Variants in RTTN observed in about 807,000 individuals in gnomAD.
RTTN encodes the protein rotatin.
In RTTN, 182 loss-of-function variants were observed where a neutral mutation model predicts 269.2. That is an observed-to-expected ratio of 0.68 (90% confidence interval 0.60 to 0.76). The LOEUF (loss-of-function observed/expected upper bound fraction) is 0.76. Ranked by LOEUF, RTTN falls within the 30% of genes least tolerant of loss-of-function variation. The pLI is 0.00. For synonymous variants in RTTN, 1,006 were observed against 963.5 expected, an observed-to-expected ratio of 1.04 and a Z score of -0.82; for missense variants, 2,545 against 2,608.6, an observed-to-expected ratio of 0.98 and a Z score of 0.53.
At chr18:70,163,069 TAAAA>T (rs10559303) in intron 14 of RTTN, among the ~76,000 whole-genome samples, 961 of 56,948 alleles carry the variant, frequency 0.017, 9 homozygotes, top group African/African-American at 0.065. Context: ...TTACTATTAT[TAAAA>T]AAAAAAAAAA....
intron 25 of RTTN, among the ~76,000 whole-genome samples, chr18:70,127,053 C>T (rs985839542): frequency 3.9e-5 from 6 of 152,054 alleles, no homozygotes; most frequent in East Asian, 1.9e-4. Context: ...TATAAAGGAC[C>T]GCCACATGGC....
At chr18:70,051,327 G>C in intron 39 of RTTN, 84 bp downstream of exon 39, 1 of 1,425,862 alleles carries the variant, frequency 7.0e-7, no homozygotes, top group Admixed American at 2.5e-5. Flanking sequence ...CTTAACTTTA[G>C]TGAATTTACA....
intron 13 of RTTN, chr18:70,166,615 T>C (rs2060994056): frequency 4.5e-6 from 1 of 223,390 alleles, no homozygotes; most frequent in African/African-American, 2.3e-5. Context: ...ATTAAAACTT[T>C]AAAGATAAAT....
At chr18:70,183,609 C>T (rs57587495) in intron 10 of RTTN, among the ~76,000 whole-genome samples, 13,242 of 152,112 alleles carry the variant, frequency 0.087, 1,267 homozygotes, top group African/African-American at 0.23. Flanking sequence ...TCAAGGTTTT[C>T]TGACATCTTG....
rs1369292 is a variant in RTTN, at chr18:70,073,881, G to A, written c.4653+25C>T. On this transcript the variant is annotated intron_variant, in intron 34 of 48. Coordinates refer to ENST00000640769, the MANE Select transcript of RTTN (RefSeq NM_173630.4). ...AATTTTTTCAGAGATTCAAAATAAA[G>A]GACTTATGCATTCTTTGCAAGTACC... The A allele has an allele frequency of 0.89, 1,369,847 of 1,545,278 alleles. 620,924 individuals are homozygous for A. The highest frequency in any genetic ancestry group is 1 in the East Asian group (44,418 of 44,474).
At chr18:70,124,389 C>G (rs2059812117) in intron 25 of RTTN, among the ~76,000 whole-genome samples, 1 of 151,906 alleles carries the variant, frequency 6.6e-6, no homozygotes, top group Non-Finnish European at 1.5e-5. Flanking sequence ...CATGAGAAAA[C>G]AAATATTTAA....
intron 30 of RTTN, among the ~76,000 whole-genome samples, chr18:70,088,899 G>T (rs966989743): frequency 5.9e-5 from 9 of 152,050 alleles, no homozygotes; most frequent in Admixed American, 4.6e-4. Context: ...AAACTGGAAA[G>T]AAATAATACA....
At chr18:70,075,141 C>T in intron 33 of RTTN, 1 of 383,304 alleles carries the variant, frequency 2.6e-6, no homozygotes. Flanking sequence ...AAAATGTACA[C>T]AAGATATGAA....
rs759985054 is a variant in RTTN at position 70,205,609 on chromosome 18, G to C, written c.31+19C>G. On this transcript the variant is annotated intron_variant, in intron 1 of 48. Coordinates refer to ENST00000640769, the MANE Select transcript of RTTN (RefSeq NM_173630.4). ...AGAGCGCGGGGGGTGCCTTGGGCGA[G>C]GGGCAAGCTGACAGTTACCGAGTTT... is the stretch of plus-strand genomic sequence containing the variant. 7.4e-6 allele frequency: 12 copies of C among 1,613,934 alleles called. No individual in the cohort carries two copies.
At chr18:70,042,266 T>G (rs900841675) in intron 40 of RTTN, among the ~76,000 whole-genome samples, 11 of 151,388 alleles carry the variant, frequency 7.3e-5, no homozygotes, top group African/African-American at 2.7e-4. Context: ...GATCCACACC[T>G]GGATGCTTCA....
In RTTN at chr18:70,006,500, T is replaced by C. The variant is rs373120534; in HGVS notation, c.6422-16A>G. 13 of 1,597,628 alleles carry C rather than the reference T, an allele frequency of 8.1e-6. No homozygotes were observed. Among genetic ancestry groups the C allele is most frequent in the Middle Eastern group, 1.7e-4 (1 of 6,034 alleles). ...ATGACTTTTTCTAAAAATGAACATA[T>C]ATTTTTTAAAAGTTCAGTCCCAGAC... On this transcript the variant is annotated splice_polypyrimidine_tract_variant and intron_variant, in intron 46 of 48. Transcript: ENST00000640769.
intron 35 of RTTN, among the ~76,000 whole-genome samples, chr18:70,063,614 T>C (rs895333492): frequency 2.0e-5 from 3 of 151,828 alleles, no homozygotes; most frequent in Non-Finnish European, 2.9e-5. Flanking sequence ...AAAAATTAAA[T>C]TGAGATAATT....
rs555554029 is a variant in RTTN at position 70,031,509 on chromosome 18, T to C, written c.5542-528A>G. 16 of 395,818 alleles carry C rather than the reference T, an allele frequency of 4.0e-5. No homozygotes were observed. The South Asian group carries it at 7.1e-4, about 18-fold the overall frequency. 24.5% of individuals were successfully genotyped at this position (395,818 alleles called of 1,614,324 possible). On this transcript the variant is annotated intron_variant, in intron 40 of 48. Coordinates refer to ENST00000640769, the MANE Select transcript of RTTN (RefSeq NM_173630.4). ...TCTCAAAAAATAGTGTGTAACTTTTTTGACTTTCAGAGAAATGGAAAATCA... is the reference window on the plus strand; with the variant it reads ...TCTCAAAAAATAGTGTGTAACTTTTCTGACTTTCAGAGAAATGGAAAATCA...
At position 70,163,334 on chromosome 18, in the gene RTTN, A is replaced by G. The variant is rs191221687; in HGVS notation, c.1929+2728T>C. The stretch of plus-strand genomic sequence containing the variant: ...GAGGCAGAGGTTGCTGTGAGCCAAG[A>G]TTGTGCCACTGCACTCCAGCCTGGT... On this transcript the variant is annotated intron_variant, in intron 14 of 48. Coordinates refer to ENST00000640769, the MANE Select transcript of RTTN (RefSeq NM_173630.4). Among the ~76,000 whole-genome samples the G allele has an allele frequency of 4.0e-3, 610 of 151,794 alleles. 8 individuals are homozygous for G. Among genetic ancestry groups the G allele is most frequent in the African/African-American group, 0.014 (574 of 41,376 alleles).
chr18:70,137,025 T>G (rs567625085), intron 21 of RTTN, among the ~76,000 whole-genome samples: 1 of 152,054 alleles, frequency 6.6e-6, no homozygotes, highest in East Asian at 1.9e-4. Flanking sequence ...AAACTACATG[T>G]GTATGTAGAA....
chr18:70,103,095 A>T (rs1599558280), intron 28 of RTTN, among the ~76,000 whole-genome samples: 1 of 143,656 alleles, frequency 7.0e-6, no homozygotes, highest in African/African-American at 2.7e-5. Flanking sequence ...CCCGTCTGGG[A>T]TGTGAGGAGC....
rs767955485 is a variant in RTTN at position 70,205,256 on chromosome 18, G to C, written c.91C>G (p.His31Asp). 2 of 1,614,182 alleles carry C rather than the reference G, an allele frequency of 1.2e-6. No individual in the cohort carries two copies. The highest frequency in any genetic ancestry group is 1.7e-6 in the Non-Finnish European group (2 of 1,180,008). ...AGATCAGCGTAGCAGATTAAGTTGTGCTCAATCTTGCAGAGAATACTCTTG... is the reference window on the plus strand; with the variant it reads ...AGATCAGCGTAGCAGATTAAGTTGTCCTCAATCTTGCAGAGAATACTCTTG... ...ALKSILCKIE[H>D]NLICYADLIQ... The change falls in exon 2 of 49, where the codon CAC becomes GAC. Residue 31 changes from histidine (H) to aspartate (D), a missense_variant. Physicochemically the swap from His to Asp is moderately conservative, Grantham distance 81. Coordinates refer to ENST00000640769, the MANE Select transcript of RTTN (RefSeq NM_173630.4).
chr18:70,131,851 T>C (rs916489136), intron 23 of RTTN: 3 of 151,768 alleles, frequency 2.0e-5, no homozygotes, highest in Non-Finnish European at 4.4e-5. Context: ...CCAAAAATAT[T>C]AGTAATTATA....
At chr18:70,125,205 T>C (rs2059834468) in intron 25 of RTTN, among the ~76,000 whole-genome samples, 1 of 152,030 alleles carries the variant, frequency 6.6e-6, no homozygotes. Context: ...AAATATACTT[T>C]TGTTAATAGT....
Sources: allele counts gnomAD v4.1 joint callset (sites outside exome capture counted in the v4.1 genomes callset), GRCh38; gene constraint gnomAD v4.1.1; transcripts MANE v1.5; gene names NCBI Gene and HGNC (gene_info 2026-07-23, HGNC 2026-07-21).